Variants in MCHR2 observed in about 807,000 individuals in gnomAD.
MCHR2 encodes melanin-concentrating hormone receptor 2.
A neutral mutation model predicts 24.8 loss-of-function variants in MCHR2; 15 were observed. The ratio of observed to expected loss-of-function variants is 0.60; its 90% CI spans 0.40 to 0.93. The LOEUF is 0.93. MCHR2 is among the 40% of genes least tolerant of loss of function. MCHR2 has a pLI of 0.00. For synonymous variants in MCHR2, 151 were observed against 147.6 expected (o/e 1.02, Z -0.17); for missense variants, 386 against 408.7 (o/e 0.94, Z 0.48).
rs138582639 is a variant in MCHR2, at chr6:99,922,399, G to A, written c.708-1144C>T. Among the ~76,000 whole-genome samples the A allele has an allele frequency of 5.9e-5, 9 of 152,096 alleles. No homozygotes were observed. In the East Asian group the frequency reaches 1.7e-3, roughly 29 times the overall value. ...TGGGATTATAGGCATGAGCCACCGC[G>A]CCCGGACCCATTTGTCCATTTTTTG... is the stretch of plus-strand genomic sequence containing the variant. On this transcript the variant is annotated intron_variant, in intron 5 of 5. Coordinates refer to ENST00000281806, the MANE Select transcript of MCHR2 (RefSeq NM_001040179.2).
At chr6:99,932,611 G>A (rs1774570367) in intron 5 of MCHR2, among the ~76,000 whole-genome samples, 1 of 152,004 alleles carries the variant, frequency 6.6e-6, no homozygotes, top group Admixed American at 6.5e-5. Flanking sequence ...GATGAGAAGA[G>A]TTGATTTTTT....
chr6:99,983,945 C>G (rs7749641), intron 1 of MCHR2, among the ~76,000 whole-genome samples: 88,572 of 151,894 alleles, frequency 0.58, 26,035 homozygotes, highest in Middle Eastern at 0.63. Flanking sequence ...GTTTTTAGCT[C>G]TGGAAGGAAG....
intron 5 of MCHR2, among the ~76,000 whole-genome samples, chr6:99,932,336 A>G (rs2114501630): frequency 6.6e-6 from 1 of 152,284 alleles, no homozygotes; most frequent in East Asian, 1.9e-4. Context: ...GAAGAGCCAG[A>G]CCTTTTTTAC....
chr6:99,930,456 C>T (rs1327207242), intron 5 of MCHR2, among the ~76,000 whole-genome samples: 3 of 152,200 alleles, frequency 2.0e-5, no homozygotes, highest in Non-Finnish European at 4.4e-5. Context: ...TTCCATTCTC[C>T]CTGTCACTTT....
rs1296122537 is a variant in MCHR2 at position 99,947,837 on chromosome 6, C to A, written c.317G>T (p.Cys106Phe). The change falls in exon 3 of 6, where the codon TGC becomes TTC. Residue 106 changes from cysteine (C) to phenylalanine (F), a missense_variant. Cys to Phe is a radical substitution (Grantham distance 205). Coordinates refer to ENST00000281806, the MANE Select transcript of MCHR2 (RefSeq NM_001040179.2). ...GGEWVFGGPL[C>F]TIITSLDTCN... is the part of the protein sequence containing the mutation. ...AGTATCCAGGGATGTGATGATGGTG[C>A]AGAGAGGCCCCCCAAACACCCACTC... The A allele has an allele frequency of 6.2e-7, 1 of 1,613,788 alleles. No homozygotes were observed. Among genetic ancestry groups the A allele is most frequent in the Admixed American group, 1.7e-5 (1 of 59,970 alleles).
chr6:99,992,118 T>C lies in MCHR2; in HGVS notation c.-28+1818A>G, dbSNP rs147212022. On this transcript the variant is annotated intron_variant, in intron 1 of 5. Transcript: ENST00000281806. Reference sequence around the variant, plus strand: ...AGGAGTCATGTTGGGTGAGGGGGTGTCACTGCGGAAGGCAGAGGCATCCCG... The same window carrying C: ...AGGAGTCATGTTGGGTGAGGGGGTGCCACTGCGGAAGGCAGAGGCATCCCG... Among the ~76,000 whole-genome samples the C allele has an allele frequency of 8.7e-3, 1,323 of 152,324 alleles. 10 individuals are homozygous for C. Among genetic ancestry groups the C allele is most frequent in the Non-Finnish European group, 0.014 (962 of 68,020 alleles).
intron 1 of MCHR2, among the ~76,000 whole-genome samples, chr6:99,972,945 G>C (rs986419536): frequency 6.6e-6 from 1 of 152,066 alleles, no homozygotes; most frequent in Admixed American, 6.6e-5. Context: ...TATAATTTCT[G>C]TTCTTTTACA....
chr6:99,984,886 T>G (rs1775743205), intron 1 of MCHR2, among the ~76,000 whole-genome samples: 1 of 152,092 alleles, frequency 6.6e-6, no homozygotes, highest in African/African-American at 2.4e-5. Flanking sequence ...TAAGTCGAAT[T>G]ATTTCTGTTT....
intron 5 of MCHR2, among the ~76,000 whole-genome samples, chr6:99,929,806 T>C (rs910020820): frequency 8.0e-5 from 12 of 150,878 alleles, no homozygotes; most frequent in African/African-American, 2.9e-4. Context: ...TGCCAGTCTG[T>C]GTCTTTTAAT....
At chr6:99,938,891 G>A (rs9403248) in intron 4 of MCHR2, among the ~76,000 whole-genome samples, 1 of 152,086 alleles carries the variant, frequency 6.6e-6, no homozygotes, top group Admixed American at 6.6e-5. Flanking sequence ...CAGAGATACT[G>A]AAAATTGTTA....
At position 99,934,469 on chromosome 6, in the gene MCHR2, C is replaced by A; in HGVS notation, c.636G>T (p.Leu212Phe). The change falls in exon 5 of 6, where the codon TTG (leucine) becomes TTT (phenylalanine). Residue 212 changes from leucine (L) to phenylalanine (F), a missense_variant. Physicochemically the swap from Leu to Phe is conservative, Grantham distance 22. Coordinates refer to ENST00000281806, the MANE Select transcript of MCHR2 (RefSeq NM_001040179.2). ...TITTFFFPLPLILVCYILILC... is the reference protein window; with the variant it reads ...TITTFFFPLPFILVCYILILC... ...AAATTAAAATATAGCACACCAAAAT[C>A]AAGGGTAGAGGGAAAAAAAAAGTTG... 2 of 1,601,250 alleles carry A rather than the reference C, an allele frequency of 1.2e-6. No homozygotes were observed. Among genetic ancestry groups the A allele is most frequent in the South Asian group, 1.1e-5 (1 of 88,964 alleles).
chr6:99,924,771 T>C (rs1237858559), intron 5 of MCHR2, among the ~76,000 whole-genome samples: 1 of 152,128 alleles, frequency 6.6e-6, no homozygotes, highest in Non-Finnish European at 1.5e-5. Flanking sequence ...AGATGTTTGG[T>C]ATTATTTCAA....
At chr6:99,948,063 T>G (rs546051150) in intron 2 of MCHR2, 92 bp from the exon 3 acceptor site, 6 of 1,104,816 alleles carry the variant, frequency 5.4e-6, no homozygotes, top group Non-Finnish European at 7.8e-6. Context: ...ATTGACATAA[T>G]GCATTTTAAA....
In MCHR2 at chr6:99,921,310, G is replaced by A. The variant is rs187619938; in HGVS notation, c.708-55C>T. 9.5e-4 allele frequency: 1,449 copies of A among 1,517,980 alleles called. 3 individuals are homozygous for A. The highest frequency in any genetic ancestry group is 9.2e-4 in the Non-Finnish European group (1,024 of 1,113,766). 94.0% of individuals were successfully genotyped at this position (1,517,980 alleles called of 1,614,324 possible). On this transcript the variant is annotated intron_variant, in intron 5 of 5. Transcript: ENST00000281806. ...TATAAACAACCATAGAAATTATGGG[G>A]CAATGTGTTCCTAGAACCTTTTGGA...
At chr6:99,964,766 A>T (rs1775261725) in intron 1 of MCHR2, among the ~76,000 whole-genome samples, 1 of 152,116 alleles carries the variant, frequency 6.6e-6, no homozygotes. Flanking sequence ...TTACAATGGA[A>T]TGGATAAATA....
At chr6:99,926,839 A>C (rs1774372016) in intron 5 of MCHR2, among the ~76,000 whole-genome samples, 1 of 152,096 alleles carries the variant, frequency 6.6e-6, no homozygotes, top group African/African-American at 2.4e-5. Context: ...TCTTCAGTTT[A>C]ATTAGACTCC....
At position 99,956,167 on chromosome 6, in the gene MCHR2, G is replaced by T. The variant is rs548027738; in HGVS notation, c.-20C>A. 31 of 1,590,136 alleles carry T rather than the reference G, an allele frequency of 1.9e-5. No homozygotes were observed. In the African/African-American group the frequency reaches 2.4e-4, roughly 12 times the overall value. ...ATTCATTGTTCGTGGACTTTCCAGG[G>T]ATTAAAGCTGTGAAGTAATAGGAAG... On this transcript the variant is annotated 5_prime_UTR_variant, in exon 2 of 6. Transcript: ENST00000281806.
intron 3 of MCHR2, among the ~76,000 whole-genome samples, chr6:99,945,950 G>T (rs1774864047): frequency 6.6e-6 from 1 of 151,868 alleles, no homozygotes; most frequent in Admixed American, 6.6e-5. Flanking sequence ...TACACAGTTT[G>T]TCTCTTCCAA....
rs138862743 is a variant in MCHR2 at position 99,936,249 on chromosome 6, A to T, written c.588-1732T>A. Among the ~76,000 whole-genome samples the T allele has an allele frequency of 2.1e-4, 32 of 151,878 alleles. No homozygotes were observed. The East Asian group carries it at 6.2e-3, about 29-fold the overall frequency. ...TTTGCTTAGGTTGCCTGTGCTTTTG[A>T]GGTCTTGTATGAAAAGTCTTTGCCC... On this transcript the variant is annotated intron_variant, in intron 4 of 5. Coordinates refer to ENST00000281806, the MANE Select transcript of MCHR2 (RefSeq NM_001040179.2).
Sources: allele counts gnomAD v4.1 joint callset (sites outside exome capture counted in the v4.1 genomes callset), GRCh38; gene constraint gnomAD v4.1.1; transcripts MANE v1.5; gene names NCBI Gene and HGNC (gene_info 2026-07-23, HGNC 2026-07-21).